CFAP46: variants seen among roughly 807,000 people sequenced by gnomAD.
The protein encoded by CFAP46 is cilia- and flagella-associated protein 46.
In CFAP46, 245 loss-of-function variants were observed where a neutral mutation model predicts 325.7. The ratio of observed to expected loss-of-function variants is 0.75; its 90% CI spans 0.68 to 0.84. The LOEUF is 0.84. Ranked by LOEUF, CFAP46 falls within the 40% of genes least tolerant of loss-of-function variation. The pLI is 0.00. For missense variants in CFAP46, 3,346 were observed against 3,543.0 expected (o/e 0.94, Z 1.41); for synonymous variants, 1,523 against 1,495.9 (o/e 1.02, Z -0.42).
intron 50 of CFAP46, among the ~76,000 whole-genome samples, chr10:132,821,422 C>T (rs1490432400): frequency 9.3e-6 from 1 of 107,286 alleles, no homozygotes; most frequent in Non-Finnish European, 1.9e-5. Flanking sequence ...TGTGTGAGCG[C>T]TGATGTGTGC....
intron 45 of CFAP46, 38 bp from the exon 46 acceptor site, chr10:132,836,256 A>T: frequency 6.3e-7 from 1 of 1,599,572 alleles, no homozygotes; most frequent in Non-Finnish European, 8.5e-7. Flanking sequence ...CAGGCAAGCC[A>T]TGAAGGAAAC....
intron 31 of CFAP46, 130 bp from the exon 32 acceptor site, chr10:132,872,954 C>T (rs947671558): frequency 2.9e-5 from 29 of 1,006,412 alleles, no homozygotes; most frequent in African/African-American, 1.4e-4. Flanking sequence ...GTGCTCAGCG[C>T]GTGTCCGCAC....
At chr10:132,835,864 A>C (rs894206834) in intron 46 of CFAP46, among the ~76,000 whole-genome samples, 223 of 21,102 alleles carry the variant, frequency 0.011, no homozygotes, top group Middle Eastern at 0.022. Context: ...TCCCGAAACC[A>C]CTCCCCTCCC....
Position 132,886,085 on chromosome 10 carries a change from C to T in CFAP46, c.3305-126G>A, listed in dbSNP as rs1849126962. 7.9e-7 allele frequency: 1 copy of T among 1,273,726 alleles called. No homozygotes were observed. The highest frequency in any genetic ancestry group is 1.5e-5 in the African/African-American group (1 of 67,586). The allele number at this position is 1,273,726 out of a possible 1,614,324, so 78.9% of individuals were successfully genotyped here. On this transcript the variant is annotated intron_variant, in intron 25 of 57. Coordinates refer to ENST00000368586, the MANE Select transcript of CFAP46 (RefSeq NM_001200049.3). This position sits in a 1 kb window ranked among gnomAD's most constrained non-coding sequence, Gnocchi z 5.8. ...GTGGAACCGCGGCTACAGAGGTGCC[C>T]AGGCCAGCGCATGCCCCGCAGGGCT...
At position 132,846,162 on chromosome 10, in the gene CFAP46, T is replaced by C. The variant is rs1591049123; in HGVS notation, c.6333A>G (p.Ser2111=). ...GTAGCTGCAGCAGGGCCGCCAGCTG[T>C]GAGCTGCTGGTGTTGGCTGTGGCTG... ...LLAATANTSS[S]QLAALLQLQH... The change falls in exon 44 of 58, where the codon TCA becomes TCG. Residue 2111 remains serine, a synonymous_variant. Coordinates refer to ENST00000368586, the MANE Select transcript of CFAP46 (RefSeq NM_001200049.3). 1.9e-6 allele frequency: 3 copies of C among 1,611,832 alleles called. No individual in the cohort carries two copies. Among genetic ancestry groups the C allele is most frequent in the Non-Finnish European group, 2.5e-6 (3 of 1,179,546 alleles).
At chr10:132,941,419 C>T (rs1263018750) in intron 3 of CFAP46, among the ~76,000 whole-genome samples, 172 bp downstream of exon 3, 1 of 152,246 alleles carries the variant, frequency 6.6e-6, no homozygotes, top group Non-Finnish European at 1.5e-5. Context: ...GATATCACCA[C>T]TTGAGCAAAA....
rs1177192013 is a variant in CFAP46 at position 132,814,747 on chromosome 10, C to T, written c.7189-1G>A. 6.2e-7 allele frequency: 1 copy of T among 1,613,748 alleles called. No individual in the cohort carries two copies. ...GGGGGATGGTCCGGGGGATGCTGCC[C>T]TGCAACCACAGACCAGGGTCAGCAG... is the stretch of plus-strand genomic sequence containing the variant. On this transcript the variant is annotated splice_acceptor_variant, in intron 51 of 57. Coordinates refer to ENST00000368586, the MANE Select transcript of CFAP46 (RefSeq NM_001200049.3). LOFTEE classifies it high-confidence loss of function.
chr10:132,929,464 T>G (rs1242743835), intron 9 of CFAP46: 1 of 744,892 alleles, frequency 1.3e-6, no homozygotes, highest in Non-Finnish European at 2.5e-6. Context: ...TAGAAACAAC[T>G]GTGGTGCTGT....
intron 24 of CFAP46, among the ~76,000 whole-genome samples, chr10:132,897,283 A>G (rs977471999): frequency 2.6e-5 from 4 of 152,262 alleles, no homozygotes; most frequent in African/African-American, 9.6e-5. Context: ...AGGAACATTT[A>G]TGCATCAAAT....
At chr10:132,913,352 G>T in intron 17 of CFAP46, 94 bp from the exon 18 acceptor site, 1 of 669,936 alleles carries the variant, frequency 1.5e-6, no homozygotes, top group Non-Finnish European at 2.5e-6. Context: ...GAACCAGGCT[G>T]CAGGGCAAGA....
intron 32 of CFAP46, among the ~76,000 whole-genome samples, chr10:132,872,225 T>C (rs1387980074): frequency 6.6e-6 from 1 of 152,190 alleles, no homozygotes; most frequent in Non-Finnish European, 1.5e-5. Flanking sequence ...AAGGATCAGG[T>C]AGAAATTTTA....
chr10:132,879,004 G>A (rs569430367), intron 29 of CFAP46, among the ~76,000 whole-genome samples: 9 of 152,318 alleles, frequency 5.9e-5, no homozygotes, highest in Admixed American at 3.3e-4. Flanking sequence ...CCGTCAGCGG[G>A]CGGTTCAGGA....
chr10:132,834,135 G>A lies in CFAP46; in HGVS notation c.6867-12C>T. The stretch of plus-strand genomic sequence containing the variant: ...CAGGTGTCTGCACTCTGAAAGTCAG[G>A]TTATATATTCGGGTTTAAGAAACAG... On this transcript the variant is annotated splice_polypyrimidine_tract_variant and intron_variant, in intron 48 of 57. Coordinates refer to ENST00000368586, the MANE Select transcript of CFAP46 (RefSeq NM_001200049.3). The A allele has an allele frequency of 6.2e-7, 1 of 1,613,552 alleles. No homozygotes were observed. The highest frequency in any genetic ancestry group is 1.1e-5 in the South Asian group (1 of 91,038).
chr10:132,872,466 C>G, intron 32 of CFAP46: 1 of 592,070 alleles, frequency 1.7e-6, no homozygotes. Context: ...GCTATGTTGC[C>G]CAGGCTGGTC....
chr10:132,920,704 G>A (rs1849710076), intron 13 of CFAP46, among the ~76,000 whole-genome samples: 1 of 152,212 alleles, frequency 6.6e-6, no homozygotes, highest in African/African-American at 2.4e-5. Context: ...CCTGGCTGGT[G>A]TCCACCCTCT....
Position 132,904,983 on chromosome 10 carries a change from G to A in CFAP46, c.2924+3485C>T, listed in dbSNP as rs150715724. ...ATCACCTTGGCACCTACGACGTCAC[G>A]CCAGCCTCTCATCTTCTGGTCCCCA... On this transcript the variant is annotated intron_variant, in intron 22 of 57. Transcript: ENST00000368586. Among the ~76,000 whole-genome samples, 1,360 of 152,144 alleles carry A rather than the reference G, an allele frequency of 8.9e-3. 32 individuals carry two copies. Among genetic ancestry groups the A allele is most frequent in the Admixed American group, 0.044 (672 of 15,288 alleles).
At chr10:132,898,572 C>T in intron 24 of CFAP46, 2 of 339,528 alleles carry the variant, frequency 5.9e-6, no homozygotes, top group South Asian at 2.4e-5. Context: ...GCCCCCGCCC[C>T]CTGCCCTGCC....
At chr10:132,856,802 C>T (rs572859415) in intron 39 of CFAP46, among the ~76,000 whole-genome samples, 24 of 152,322 alleles carry the variant, frequency 1.6e-4, no homozygotes, top group Admixed American at 6.5e-4. Flanking sequence ...CTTTTCTATA[C>T]GGCAATATTT....
chr10:132,868,097 C>T (rs575657857), intron 33 of CFAP46, among the ~76,000 whole-genome samples: 208 of 152,348 alleles, frequency 1.4e-3, no homozygotes, highest in African/African-American at 4.6e-3. Flanking sequence ...AGGGCGTTTT[C>T]GTCCTCTGAC....
Sources: gnomAD v4.1 joint callset for allele counts (sites outside exome capture counted in the v4.1 genomes callset) on GRCh38, gnomAD v4.1.1 for gene constraint, Gnocchi (gnomAD v3.1) non-coding constraint, MANE v1.5 for transcripts, NCBI Gene and HGNC (gene_info 2026-07-23, HGNC 2026-07-21) for gene names.